Variants in SARNP observed in about 807,000 individuals in gnomAD.
SARNP encodes SAP domain-containing ribonucleoprotein.
SARNP carries 5 observed loss-of-function variants against 38.1 expected under a neutral mutation model. The observed-to-expected ratio is 0.13, with a 90% CI of 0.07 to 0.28. The LOEUF is 0.28. Ranked by LOEUF, SARNP falls within the 10% of genes least tolerant of loss-of-function variation. The probability of loss-of-function intolerance (pLI) is 1.00; values close to 1 mark genes in which losing one functional copy is unlikely to be tolerated. For missense variants in SARNP, 180 were observed against 243.9 expected, an observed-to-expected ratio of 0.74 and a Z score of 1.75; for synonymous variants, 84 against 80.6, an observed-to-expected ratio of 1.04 and a Z score of -0.23.
intron 2 of SARNP, among the ~76,000 whole-genome samples, chr12:55,802,889 A>G (rs1198377530): frequency 6.6e-6 from 1 of 151,640 alleles, no homozygotes; most frequent in Non-Finnish European, 1.5e-5. Context: ...AACAGACTAG[A>G]TAACTACACA....
chr12:55,788,513 C>T (rs1308605632), intron 9 of SARNP, among the ~76,000 whole-genome samples: 3 of 152,164 alleles, frequency 2.0e-5, no homozygotes. Flanking sequence ...AGACCATACT[C>T]AGGCTGGGTG....
At chr12:55,755,530 G>A (rs913566328), downstream of SARNP, 9 of 152,202 alleles carry the variant, frequency 5.9e-5, no homozygotes, top group African/African-American at 2.2e-4. Context: ...ATCAACTATA[G>A]TAGGGAAACG....
At chr12:55,774,570 AAAAACAAAC>A (rs1400498572) in intron 9 of SARNP, among the ~76,000 whole-genome samples, 10 of 71,306 alleles carry the variant, frequency 1.4e-4, no homozygotes, top group African/African-American at 3.9e-4. Flanking sequence ...AAAAAAAAAA[AAAAACAAAC>A]AAAAAAAAAA....
intron 5 of SARNP, among the ~76,000 whole-genome samples, chr12:55,795,481 G>A (rs1879794419): frequency 6.6e-6 from 1 of 152,086 alleles, no homozygotes; most frequent in Non-Finnish European, 1.5e-5. Context: ...AGCTATGTTT[G>A]GCTGACCTTT....
rs1339670893 is a variant in SARNP at position 55,803,631 on chromosome 12, T to C, written c.134A>G (p.His45Arg). The change falls in exon 2 of 11, where the codon CAT (histidine) becomes CGT (arginine). Residue 45 changes from histidine (H) to arginine (R), a missense_variant and splice_region_variant. Transcript: ENST00000336133. ...CTCCGCCTCCACAAAGTACTCACCA[T>C]GTTCTTCAAGATATGCCTGGAGTCT... ...IHRLQAYLEE[H>R]AEEEANEEDV... 5.6e-6 allele frequency: 9 copies of C among 1,601,724 alleles called. No homozygotes were observed. Among genetic ancestry groups the C allele is most frequent in the Admixed American group, 3.3e-5 (2 of 59,858 alleles).
At chr12:55,768,175 G>C (rs1410785233) in intron 9 of SARNP, among the ~76,000 whole-genome samples, 13 of 152,090 alleles carry the variant, frequency 8.5e-5, no homozygotes, top group Non-Finnish European at 1.8e-4. Context: ...CACCAGGCTG[G>C]AGCGCAAAGG....
intron 4 of SARNP, among the ~76,000 whole-genome samples, chr12:55,799,649 G>A (rs1233956331): frequency 1.4e-5 from 2 of 140,614 alleles, no homozygotes; most frequent in Non-Finnish European, 3.0e-5. Context: ...CACCTCCCAG[G>A]TTCAAGCAAT....
chr12:55,793,952 G>C (rs1163102396), intron 7 of SARNP: 1 of 195,890 alleles, frequency 5.1e-6, no homozygotes, highest in African/African-American at 2.4e-5. Flanking sequence ...GCACATTCAA[G>C]ACTATTTCCT....
intron 1 of SARNP, 122 bp downstream of exon 1, chr12:55,817,544 G>A: frequency 4.6e-6 from 4 of 870,560 alleles, no homozygotes; most frequent in South Asian, 1.7e-5. Context: ...AAGAGCTACG[G>A]CGGGAGCCGA....
At chr12:55,781,543 A>AC (rs1212983116) in intron 9 of SARNP, among the ~76,000 whole-genome samples, 1 of 151,850 alleles carries the variant, frequency 6.6e-6, no homozygotes, top group Non-Finnish European at 1.5e-5. Context: ...CAAAAAAAAA[A>AC]AAAAACAAAA....
chr12:55,778,873 AG>A (rs1368494505), intron 9 of SARNP, among the ~76,000 whole-genome samples: 1 of 152,208 alleles, frequency 6.6e-6, no homozygotes, highest in Non-Finnish European at 1.5e-5. Context: ...CAGGAGGCTG[AG>A]GCAGGAGAAT....
intron 1 of SARNP, among the ~76,000 whole-genome samples, chr12:55,813,933 A>T (rs1880407368): frequency 6.6e-6 from 1 of 152,172 alleles, no homozygotes; most frequent in Admixed American, 6.6e-5. Flanking sequence ...TCTTATTTTC[A>T]AATGAGGATA....
chr12:55,779,827 A>C (rs539020824), intron 9 of SARNP, among the ~76,000 whole-genome samples: 12 of 152,276 alleles, frequency 7.9e-5, no homozygotes, highest in African/African-American at 2.6e-4. Flanking sequence ...TATAAATTAG[A>C]CACAATAAAA....
chr12:55,808,762 A>G (rs1330436838), intron 1 of SARNP, among the ~76,000 whole-genome samples: 1 of 152,084 alleles, frequency 6.6e-6, no homozygotes, highest in African/African-American at 2.4e-5. Context: ...CCTGGCCTCA[A>G]AAGAATGAAT....
chr12:55,811,690 CTTCT>C (rs1237318949), intron 1 of SARNP, among the ~76,000 whole-genome samples: 1 of 152,152 alleles, frequency 6.6e-6, no homozygotes, highest in Admixed American at 6.5e-5. Flanking sequence ...AGTCTTGGCA[CTTCT>C]TTCTTTCACT....
intron 4 of SARNP, 82 bp downstream of exon 4, chr12:55,800,480 G>A (rs565777761): frequency 9.9e-7 from 1 of 1,005,722 alleles, no homozygotes; most frequent in African/African-American, 1.6e-5. Flanking sequence ...GAACATGTAA[G>A]AGGTAAACAA....
intron 8 of SARNP, 26 bp from the exon 9 acceptor site, chr12:55,789,169 T>A: frequency 6.6e-7 from 1 of 1,519,354 alleles, no homozygotes; most frequent in Non-Finnish European, 8.9e-7. Flanking sequence ...GGAAAGAACA[T>A]AGTTTTAAAA....
intron 9 of SARNP, among the ~76,000 whole-genome samples, chr12:55,773,913 G>A (rs1453919024): frequency 6.6e-6 from 1 of 152,070 alleles, no homozygotes; most frequent in Non-Finnish European, 1.5e-5. Context: ...TCACCATGTT[G>A]GCCAGGCTGG....
At chr12:55,782,887 G>A (rs1231584382) in intron 9 of SARNP, among the ~76,000 whole-genome samples, 1 of 152,122 alleles carries the variant, frequency 6.6e-6, no homozygotes, top group Non-Finnish European at 1.5e-5. Context: ...GAGGCTGGCG[G>A]ACTGCTTGAG....
Sources: allele counts gnomAD v4.1 joint callset (sites outside exome capture counted in the v4.1 genomes callset), GRCh38; gene constraint gnomAD v4.1.1; transcripts MANE v1.5; gene names NCBI Gene and HGNC (gene_info 2026-07-23, HGNC 2026-07-21).